The following ZNF354C variants were observed in gnomAD, a reference collection of about 807,000 sequenced individuals.
ZNF354C encodes the protein KRAB-zinc finger protein synten.
A neutral mutation model predicts 12.4 loss-of-function variants in ZNF354C; 7 were observed. The observed-to-expected ratio is 0.56, with a 90% CI of 0.32 to 1.06. The LOEUF is 1.06. Ranked by LOEUF, ZNF354C falls within the 50% of genes least tolerant of loss-of-function variation. The pLI, the probability that ZNF354C is intolerant of heterozygous loss-of-function variation, is 0.04. For synonymous variants in ZNF354C, 202 were observed against 224.5 expected, an observed-to-expected ratio of 0.90 and a Z score of 0.90; for missense variants, 609 against 658.0, an observed-to-expected ratio of 0.93 and a Z score of 0.81.
intron 4 of ZNF354C, 137 bp downstream of exon 4, chr5:179,077,303 T>A: frequency 1.5e-6 from 1 of 676,254 alleles, no homozygotes; most frequent in Non-Finnish European, 2.6e-6. Context: ...GTTTGAGTTG[T>A]ATAGGTTAAA....
chr5:179,060,397 T>G lies in ZNF354C; in HGVS notation c.-324T>G, dbSNP rs950556014. 6.6e-6 allele frequency: 1 copy of G among 152,404 alleles called. No individual in the cohort carries two copies. The highest frequency in any genetic ancestry group is 1.5e-5 in the Non-Finnish European group (1 of 68,172). 9.4% of individuals were successfully genotyped at this position (152,404 alleles called of 1,614,324 possible). A position where few individuals can be genotyped will look rare whatever the true frequency, so the allele number is the denominator to read the frequency against. On this transcript the variant is annotated 5_prime_UTR_variant, in exon 1 of 5. Coordinates refer to ENST00000315475, the MANE Select transcript of ZNF354C (RefSeq NM_014594.3). The surrounding 1 kb of genome is among the most constrained non-coding windows in gnomAD (Gnocchi z 4.2). ...TAGTTCTCCCGCGGTTGGCGGGGTT[T>G]CGGGGACAGCTCGCGGCCTTTCGGG...
At position 179,079,674 on chromosome 5, in the gene ZNF354C, C is replaced by T; in HGVS notation, c.1242C>T (p.Cys414=). The change falls in exon 5 of 5, where the codon TGC becomes TGT. Residue 414 remains cysteine (C), a synonymous_variant. Coordinates refer to ENST00000315475, the MANE Select transcript of ZNF354C (RefSeq NM_014594.3). This position sits in a 1 kb window ranked among gnomAD's most constrained non-coding sequence, Gnocchi z 4.2. Reference sequence around the variant, plus strand: ...ACACTGGACAAAAACCTTATCAGTGCAACGAATGTGAGAAAGCCTTCAACC... The same window carrying T: ...ACACTGGACAAAAACCTTATCAGTGTAACGAATGTGAGAAAGCCTTCAACC... The part of the protein sequence containing the change: ...RIHTGQKPYQ[C]NECEKAFNQY... 6.2e-7 allele frequency: 1 copy of T among 1,614,120 alleles called. No individual in the cohort carries two copies. The highest frequency in any genetic ancestry group is 1.1e-5 in the South Asian group (1 of 91,074).
chr5:179,073,450 C>G (rs72816693), intron 2 of ZNF354C, among the ~76,000 whole-genome samples: 2,554 of 152,214 alleles, frequency 0.017, 26 homozygotes, highest in Non-Finnish European at 0.028. Context: ...CAAAATAATA[C>G]TATTGTATTA....
chr5:179,060,906 C>T lies in ZNF354C; in HGVS notation c.-55+240C>T, dbSNP rs537258190. 6.6e-5 allele frequency among the ~76,000 whole-genome samples: 10 copies of T among 152,278 alleles called. No individual in the cohort carries two copies. The highest frequency in any genetic ancestry group is 2.4e-4 in the African/African-American group (10 of 41,558). On this transcript the variant is annotated intron_variant, in intron 1 of 4. Coordinates refer to ENST00000315475, the MANE Select transcript of ZNF354C (RefSeq NM_014594.3). This position sits in a 1 kb window ranked among gnomAD's most constrained non-coding sequence, Gnocchi z 4.2. ...TGTTCCCGCTCTGTCAGGAGGAGAC[C>T]GAGGCAGAGTGGCGAGGTCATTGCC...
intron 2 of ZNF354C, among the ~76,000 whole-genome samples, chr5:179,065,741 C>T (rs1047246758): frequency 5.9e-5 from 9 of 152,080 alleles, no homozygotes; most frequent in Non-Finnish European, 1.2e-4. Context: ...TAGAATGCCC[C>T]TCCATTGTGA....
intron 1 of ZNF354C, 98 bp from the exon 2 acceptor site, chr5:179,061,917 T>G: frequency 1.2e-6 from 1 of 849,096 alleles, no homozygotes; most frequent in Non-Finnish European, 2.0e-6. Context: ...GGGGGTGGCT[T>G]TTTTGAGACC....
At chr5:179,064,711 G>A (rs1761938951) in intron 2 of ZNF354C, among the ~76,000 whole-genome samples, 1 of 152,012 alleles carries the variant, frequency 6.6e-6, no homozygotes, top group Non-Finnish European at 1.5e-5. Flanking sequence ...ACCGCGCCCG[G>A]CCTATGTAAC....
In ZNF354C at chr5:179,061,986, G is replaced by A; in HGVS notation, c.-54-29G>A. On this transcript the variant is annotated intron_variant, in intron 1 of 4. Coordinates refer to ENST00000315475, the MANE Select transcript of ZNF354C (RefSeq NM_014594.3). ...CTCCAAGCCATCTCCTGACGCCAGG[G>A]TTCCTCTTGACACCTTTTTCCTCTG... 2.0e-6 allele frequency: 3 copies of A among 1,493,068 alleles called. No homozygotes were observed. In the Admixed American group the frequency reaches 5.0e-5, roughly 25 times the overall value. 92.5% of individuals were successfully genotyped at this position (1,493,068 alleles called of 1,614,324 possible). A position where few individuals can be genotyped will look rare whatever the true frequency, so the allele number is the denominator to read the frequency against.
rs1434343505 is a variant in ZNF354C at position 179,081,973 on chromosome 5, A to C, written c.*1876A>C. ...GGTGATAATACTAAGAAGGAAAAGA[A>C]GTTCATAATGATGAAAGTAGAGAAA... On this transcript the variant is annotated 3_prime_UTR_variant, in exon 5 of 5. Transcript: ENST00000315475. 6.6e-6 allele frequency: 1 copy of C among 152,248 alleles called. No individual in the cohort carries two copies. The highest frequency in any genetic ancestry group is 2.4e-5 in the African/African-American group (1 of 41,464). 9.4% of individuals were successfully genotyped at this position (152,248 alleles called of 1,614,324 possible). A position where few individuals can be genotyped will look rare whatever the true frequency, so the allele number is the denominator to read the frequency against.
chr5:179,078,579 A>T, intron 4 of ZNF354C, 104 bp from the exon 5 acceptor site: 1 of 838,466 alleles, frequency 1.2e-6, no homozygotes, highest in Non-Finnish European at 1.8e-6. Context: ...ATCTGATTGT[A>T]TCACTCTTCT....
intron 3 of ZNF354C, 99 bp downstream of exon 3, chr5:179,076,670 C>A: frequency 3.4e-6 from 5 of 1,455,398 alleles, no homozygotes; most frequent in Non-Finnish European, 4.6e-6. Context: ...TACTGAGCCC[C>A]TCAGAAAGGC....
chr5:179,075,673 A>G (rs1484325890), intron 2 of ZNF354C, among the ~76,000 whole-genome samples: 1 of 152,192 alleles, frequency 6.6e-6, no homozygotes, highest in Non-Finnish European at 1.5e-5. Flanking sequence ...ACAGATGTAG[A>G]GTTTTTCAAC....
intron 2 of ZNF354C, among the ~76,000 whole-genome samples, chr5:179,072,626 T>C (rs1762065551): frequency 6.6e-6 from 1 of 152,198 alleles, no homozygotes; most frequent in African/African-American, 2.4e-5. Flanking sequence ...ACACACATCA[T>C]TGATCAGTGA....
chr5:179,063,865 C>T (rs1761925086), intron 2 of ZNF354C, among the ~76,000 whole-genome samples: 1 of 152,216 alleles, frequency 6.6e-6, no homozygotes. Flanking sequence ...CCATAAATTC[C>T]AGCTGTTACT....
In ZNF354C at chr5:179,078,912, T is replaced by C; in HGVS notation, c.480T>C (p.His160=). The part of the protein sequence containing the change: ...HEKTISEDGN[H]TSLELGKSLF... ...AAACCATCAGTGAAGATGGAAACCA[T>C]ACAAGTCTTGAATTGGGGAAAAGCT... Residue 160 remains histidine (H), a synonymous_variant, in exon 5 of 5, where the codon CAT becomes CAC. Coordinates refer to ENST00000315475, the MANE Select transcript of ZNF354C (RefSeq NM_014594.3). 6.2e-7 allele frequency: 1 copy of C among 1,614,118 alleles called. No individual in the cohort carries two copies. Among genetic ancestry groups the C allele is most frequent in the Non-Finnish European group, 8.5e-7 (1 of 1,180,004 alleles).
At chr5:179,072,871 G>A (rs112533924) in intron 2 of ZNF354C, among the ~76,000 whole-genome samples, 16 of 152,224 alleles carry the variant, frequency 1.1e-4, no homozygotes, top group African/African-American at 3.9e-4. Context: ...GTGTGTGTAT[G>A]TATGTTTTTA....
In ZNF354C at chr5:179,062,072, G is replaced by A; in HGVS notation, c.4G>A (p.Ala2Thr). 1 of 1,614,176 alleles carries A rather than the reference G, an allele frequency of 6.2e-7. No homozygotes were observed. The highest frequency in any genetic ancestry group is 1.1e-5 in the South Asian group (1 of 91,084). The change falls in exon 2 of 5, where the codon GCT (alanine) becomes ACT (threonine). Residue 2 changes from alanine (A) to threonine (T), a missense_variant. Coordinates refer to ENST00000315475, the MANE Select transcript of ZNF354C (RefSeq NM_014594.3). ...CAGGAAGACTGAGGAGGAAGGGATGGCTGTGGATCTGCTGTCTGCTCAGGT... is the reference window on the plus strand; with the variant it reads ...CAGGAAGACTGAGGAGGAAGGGATGACTGTGGATCTGCTGTCTGCTCAGGT... Reference protein sequence around the residue: MAVDLLSAQEPV... With the variant: MTVDLLSAQEPV...
intron 2 of ZNF354C, among the ~76,000 whole-genome samples, chr5:179,064,657 A>T (rs1456129379): frequency 6.9e-6 from 1 of 145,922 alleles, no homozygotes; most frequent in Non-Finnish European, 1.5e-5. Context: ...CTCGTGATCC[A>T]CCTGCCTTGG....
Position 179,079,443 on chromosome 5 carries a change from C to T in ZNF354C, c.1011C>T (p.Phe337=). The T allele has an allele frequency of 1.2e-6, 2 of 1,614,034 alleles. No individual in the cohort carries two copies. Among genetic ancestry groups the T allele is most frequent in the Admixed American group, 1.7e-5 (1 of 60,008 alleles). The change falls in exon 5 of 5, where the codon TTC becomes TTT. Residue 337 remains phenylalanine (F), a synonymous_variant. Coordinates refer to ENST00000315475, the MANE Select transcript of ZNF354C (RefSeq NM_014594.3). This position sits in a 1 kb window ranked among gnomAD's most constrained non-coding sequence, Gnocchi z 4.2. ...LYKCGECEKA[F]NCRAKLHRHQ... ...AATGCGGCGAATGTGAGAAGGCCTT[C>T]AACTGTAGAGCAAAACTTCACAGGC...
Sources: allele counts gnomAD v4.1 joint callset (sites outside exome capture counted in the v4.1 genomes callset), GRCh38; gene constraint gnomAD v4.1.1; non-coding constraint Gnocchi (gnomAD v3.1); transcripts MANE v1.5; gene names NCBI Gene and HGNC (gene_info 2026-07-23, HGNC 2026-07-21).